TULP3: variants seen among roughly 807,000 people sequenced by gnomAD.
TULP3 encodes tubby-related protein 3.
A neutral mutation model predicts 50.7 loss-of-function variants in TULP3; 38 were observed. The ratio of observed to expected loss-of-function variants is 0.75; its 90% CI spans 0.58 to 0.98. The LOEUF is 0.98. Ranked by LOEUF, TULP3 falls within the 50% of genes least tolerant of loss-of-function variation. TULP3 has a pLI of 0.00. For synonymous variants in TULP3, 183 were observed against 196.6 expected, an observed-to-expected ratio of 0.93 and a Z score of 0.58; for missense variants, 550 against 568.0, an observed-to-expected ratio of 0.97 and a Z score of 0.32.
At chr12:2,919,797 TTTC>T (rs1404860885) in intron 2 of TULP3, among the ~76,000 whole-genome samples, 1 of 151,964 alleles carries the variant, frequency 6.6e-6, no homozygotes, top group African/African-American at 2.4e-5. Context: ...TTTCCTGACT[TTTC>T]TTGCTACCAT....
intron 8 of TULP3, among the ~76,000 whole-genome samples, chr12:2,934,897 T>C (rs73042654): frequency 0.046 from 6,981 of 152,230 alleles, 229 homozygotes; most frequent in Middle Eastern, 0.12. Context: ...TTCATTCTCT[T>C]TTTTCTCTTT....
chr12:2,913,430 T>G (rs1303511628), intron 2 of TULP3, among the ~76,000 whole-genome samples: 6 of 151,302 alleles, frequency 4.0e-5, no homozygotes, highest in Non-Finnish European at 7.4e-5. Flanking sequence ...CTTTTTTCTT[T>G]TCTTCTTCCT....
chr12:2,918,436 G>A (rs946220753), intron 2 of TULP3, among the ~76,000 whole-genome samples: 5 of 151,822 alleles, frequency 3.3e-5, no homozygotes, highest in African/African-American at 7.3e-5. Context: ...TTGTTTCATC[G>A]ATCATTTCAC....
At chr12:2,925,918 C>A (rs1432608660) in intron 4 of TULP3, among the ~76,000 whole-genome samples, 1 of 152,160 alleles carries the variant, frequency 6.6e-6, no homozygotes, top group Non-Finnish European at 1.5e-5. Flanking sequence ...CCTTCCAGTG[C>A]CAGGTGAGTT....
chr12:2,938,355 CCTGTA>C, intron 10 of TULP3, 70 bp downstream of exon 10: 4 of 1,503,838 alleles, frequency 2.7e-6, no homozygotes, highest in Non-Finnish European at 3.6e-6. Flanking sequence ...ATGCACATTC[CCTGTA>C]CATGATAGGA....
rs1375491777 is a variant in TULP3 at position 2,939,897 on chromosome 12, A to G, written c.*453A>G. The G allele has an allele frequency of 7.3e-6, 9 of 1,238,062 alleles. No homozygotes were observed. The Admixed American group carries it at 2.3e-4, about 32-fold the overall frequency. The allele number at this position is 1,238,062 out of a possible 1,614,324, so 76.7% of individuals were successfully genotyped here. A position where few individuals can be genotyped will look rare whatever the true frequency, so the allele number is the denominator to read the frequency against. ...TTAGCATGGGTGAGAGATGATTTAA[A>G]GCACAGGGAGATTCTTGTCACATTG... On this transcript the variant is annotated 3_prime_UTR_variant, in exon 11 of 11. Transcript: ENST00000448120. This position sits in a 1 kb window ranked among gnomAD's most constrained non-coding sequence, Gnocchi z 4.0.
At chr12:2,919,531 T>A (rs912310260) in intron 2 of TULP3, among the ~76,000 whole-genome samples, 7 of 152,132 alleles carry the variant, frequency 4.6e-5, no homozygotes, top group Admixed American at 4.6e-4. Flanking sequence ...TCTAAAACAG[T>A]ATCGATGGAA....
In TULP3 at chr12:2,891,485, CCT is replaced by C. The variant is rs2098172027; in HGVS notation, c.41+502_41+503del. On this transcript the variant is annotated intron_variant, in intron 1 of 10. Coordinates refer to ENST00000448120, the MANE Select transcript of TULP3 (RefSeq NM_003324.5). ...GAGCGGAAACGCGAAACTTCTTTTT[CCT>C]CTCTGCTTTCCAGTGTTTGTCCCTG... 2.6e-5 allele frequency among the ~76,000 whole-genome samples: 4 copies of C among 152,312 alleles called. No individual in the cohort carries two copies. In the East Asian group the frequency reaches 7.7e-4, roughly 29 times the overall value.
intron 9 of TULP3, 150 bp downstream of exon 9, chr12:2,937,879 C>G: frequency 1.2e-6 from 1 of 865,890 alleles, no homozygotes. Flanking sequence ...AGCTGCCCCT[C>G]CAAAACCTCA....
intron 4 of TULP3, 118 bp downstream of exon 4, chr12:2,922,520 T>C: frequency 7.8e-7 from 1 of 1,276,510 alleles, no homozygotes; most frequent in South Asian, 1.6e-5. Context: ...GCTTAGGGCC[T>C]CACAGAGGTG....
intron 4 of TULP3, among the ~76,000 whole-genome samples, chr12:2,928,237 A>G (rs1429150819): frequency 6.6e-6 from 1 of 152,256 alleles, no homozygotes; most frequent in Non-Finnish European, 1.5e-5. Context: ...AGAGATTAAG[A>G]AAATGCCAGG....
Position 2,940,603 on chromosome 12 carries a change from G to T in TULP3, c.*1159G>T, listed in dbSNP as rs1347627450. ...AGCACCATTCAGCTGCATCCCTTGT[G>T]CACAGAACTGTTTGCCAGCGTTGGG... On this transcript the variant is annotated 3_prime_UTR_variant, in exon 11 of 11. Coordinates refer to ENST00000448120, the MANE Select transcript of TULP3 (RefSeq NM_003324.5). 2 of 1,551,630 alleles carry T rather than the reference G, an allele frequency of 1.3e-6. No individual in the cohort carries two copies. Among genetic ancestry groups the T allele is most frequent in the Admixed American group, 2.0e-5 (1 of 50,984 alleles).
At chr12:2,929,528 T>C (rs10848745) in intron 4 of TULP3, among the ~76,000 whole-genome samples, 4 of 151,960 alleles carry the variant, frequency 2.6e-5, no homozygotes, top group African/African-American at 9.7e-5. Flanking sequence ...CCTCAAGCAG[T>C]CCTTCTGCCT....
intron 1 of TULP3, among the ~76,000 whole-genome samples, chr12:2,899,871 C>A (rs12825771): frequency 1.4e-5 from 2 of 141,224 alleles, no homozygotes; most frequent in Non-Finnish European, 3.0e-5. Flanking sequence ...CCAGCCTGGG[C>A]GACAGAGCGA....
intron 2 of TULP3, among the ~76,000 whole-genome samples, chr12:2,911,689 T>C (rs2098185736): frequency 2.7e-5 from 2 of 74,778 alleles, no homozygotes; most frequent in African/African-American, 6.2e-5. Flanking sequence ...TTTTTTTTTT[T>C]TTTTTTTTTT....
At chr12:2,916,990 G>A (rs2098189026) in intron 2 of TULP3, among the ~76,000 whole-genome samples, 1 of 152,094 alleles carries the variant, frequency 6.6e-6, no homozygotes, top group South Asian at 2.1e-4. Context: ...GTGGTCAGGG[G>A]TCTAGTCTCC....
Position 2,940,804 on chromosome 12 carries a change from C to G in TULP3, c.*1360C>G. On this transcript the variant is annotated 3_prime_UTR_variant, in exon 11 of 11. Transcript: ENST00000448120. ...TCCCACCTGCTGGGTGAGGACGAGA[C>G]TGTTTCCATCTCAGGCATGTATCCC... 1.5e-6 allele frequency: 2 copies of G among 1,302,992 alleles called. No individual in the cohort carries two copies. Among genetic ancestry groups the G allele is most frequent in the Non-Finnish European group, 2.1e-6 (2 of 950,732 alleles). 80.7% of individuals were successfully genotyped at this position (1,302,992 alleles called of 1,614,324 possible).
chr12:2,921,347 G>A (rs2098191647), intron 3 of TULP3, among the ~76,000 whole-genome samples: 1 of 151,822 alleles, frequency 6.6e-6, no homozygotes. Context: ...TTACTATGTT[G>A]GCCAGGCTTG....
At chr12:2,905,638 G>C (rs1388998836) in intron 1 of TULP3, among the ~76,000 whole-genome samples, 1 of 152,076 alleles carries the variant, frequency 6.6e-6, no homozygotes, top group Admixed American at 6.6e-5. Context: ...TGTCTCTTCT[G>C]TTCGGGTCAA....
Sources: allele counts gnomAD v4.1 joint callset (sites outside exome capture counted in the v4.1 genomes callset), GRCh38; gene constraint gnomAD v4.1.1; non-coding constraint Gnocchi (gnomAD v3.1); transcripts MANE v1.5; gene names NCBI Gene and HGNC (gene_info 2026-07-23, HGNC 2026-07-21).